ADGRL4: variants seen among roughly 807,000 people sequenced by gnomAD.
The protein encoded by ADGRL4 is adhesion G protein-coupled receptor L4, also known as EGF, latrophilin and seven transmembrane domain containing 1.
A neutral mutation model predicts 74.8 loss-of-function variants in ADGRL4; 90 were observed. The ratio of observed to expected loss-of-function variants is 1.20; its 90% confidence interval spans 1.02 to 1.43. The LOEUF (loss-of-function observed/expected upper bound fraction) is 1.43, where lower values mean the gene tolerates loss of function less well. Ranked by LOEUF, ADGRL4 falls within the 40% of genes most tolerant of loss-of-function variation. The pLI, the probability that ADGRL4 is intolerant of heterozygous loss-of-function variation, is 0.00. For synonymous variants in ADGRL4, 311 were observed against 279.2 expected, an observed-to-expected ratio of 1.11 and a Z score of -1.14; for missense variants, 881 against 814.3, an observed-to-expected ratio of 1.08 and a Z score of -1.00.
At position 78,917,996 on chromosome 1, in the gene ADGRL4, C is replaced by A; in HGVS notation, c.1516G>T (p.Ala506Ser). The A allele has an allele frequency of 6.2e-7, 1 of 1,609,760 alleles. No homozygotes were observed. Among genetic ancestry groups the A allele is most frequent in the East Asian group, 2.2e-5 (1 of 44,744 alleles). Residue 506 changes from alanine to serine, a missense_variant, in exon 11 of 15, where the codon GCA becomes TCA. Physicochemically the swap from Ala to Ser is moderately conservative, Grantham distance 99. Coordinates refer to ENST00000370742, the MANE Select transcript of ADGRL4 (RefSeq NM_022159.4). ...TGTATGCCTTCAATGCACATCCATG[C>A]AAAAGCAGCTAAAAAGAAGTAGTGT... ...LLHYFFLAAF[A>S]WMCIEGIHLY...
chr1:78,893,591 T>C (rs1205831733), intron 12 of ADGRL4, among the ~76,000 whole-genome samples: 2 of 151,928 alleles, frequency 1.3e-5, no homozygotes, highest in East Asian at 3.9e-4. Flanking sequence ...AAAAGAAAAA[T>C]TGAAAGATTG....
chr1:78,961,202 C>T (rs937664066), intron 2 of ADGRL4, among the ~76,000 whole-genome samples: 11 of 151,998 alleles, frequency 7.2e-5, no homozygotes, highest in Non-Finnish European at 1.0e-4. Context: ...CTGCCTCAGC[C>T]TCCCCAGTAG....
At chr1:78,916,690 C>G (rs540096042) in intron 12 of ADGRL4, among the ~76,000 whole-genome samples, 1 of 151,600 alleles carries the variant, frequency 6.6e-6, no homozygotes, top group Non-Finnish European at 1.5e-5. Context: ...TTAGCAGTAC[C>G]CTCACAACCA....
chr1:79,004,402 G>T (rs1392869119), intron 2 of ADGRL4, among the ~76,000 whole-genome samples: 5 of 152,044 alleles, frequency 3.3e-5, no homozygotes, highest in African/African-American at 1.2e-4. Flanking sequence ...GACAACTACA[G>T]ACACGAAATT....
chr1:78,995,799 C>T (rs1557524663), intron 2 of ADGRL4, among the ~76,000 whole-genome samples: 1 of 152,166 alleles, frequency 6.6e-6, no homozygotes, highest in Non-Finnish European at 1.5e-5. Flanking sequence ...GGCTTGGATG[C>T]TCTTTGTGAC....
intron 2 of ADGRL4, among the ~76,000 whole-genome samples, chr1:78,974,948 T>A (rs1000654036): frequency 6.6e-6 from 1 of 152,148 alleles, no homozygotes; most frequent in Non-Finnish European, 1.5e-5. Context: ...TATTTGTAGT[T>A]TTTGAGAATT....
chr1:78,919,845 A>G (rs1407329895), intron 10 of ADGRL4, among the ~76,000 whole-genome samples: 1 of 151,960 alleles, frequency 6.6e-6, no homozygotes, highest in Non-Finnish European at 1.5e-5. Flanking sequence ...CTATTCTAAG[A>G]TAAAGTTTAT....
chr1:78,941,581 A>C (rs1401835910), intron 3 of ADGRL4, among the ~76,000 whole-genome samples: 1 of 151,976 alleles, frequency 6.6e-6, no homozygotes, highest in Non-Finnish European at 1.5e-5. Flanking sequence ...TTAAATGTGC[A>C]ACAGTCTTAG....
chr1:78,913,954 T>G (rs138019394), intron 12 of ADGRL4, among the ~76,000 whole-genome samples: 2 of 152,000 alleles, frequency 1.3e-5, no homozygotes, highest in African/African-American at 4.8e-5. Flanking sequence ...AATGACAATC[T>G]GGACTAAGAA....
At chr1:78,987,923 T>C (rs1271073489) in intron 2 of ADGRL4, among the ~76,000 whole-genome samples, 1 of 151,798 alleles carries the variant, frequency 6.6e-6, no homozygotes, top group Non-Finnish European at 1.5e-5. Flanking sequence ...ATACTAATCA[T>C]ACCATAATTT....
At chr1:78,963,449 C>T (rs1449055931) in intron 2 of ADGRL4, among the ~76,000 whole-genome samples, 2 of 152,150 alleles carry the variant, frequency 1.3e-5, no homozygotes, top group Non-Finnish European at 2.9e-5. Flanking sequence ...GCCCAGTATG[C>T]TGTCAACATT....
rs1401758975 is a variant in ADGRL4, at chr1:78,959,570, G to A, written c.173-13144C>T. Among the ~76,000 whole-genome samples the A allele has an allele frequency of 3.9e-5, 6 of 152,222 alleles. No homozygotes were observed. In the East Asian group the frequency reaches 1.2e-3, roughly 29 times the overall value. On this transcript the variant is annotated intron_variant, in intron 2 of 14. Transcript: ENST00000370742. The stretch of plus-strand genomic sequence containing the variant: ...ACCTGTGTGTGTGTTTACCTCCTAG[G>A]CAAAATGTCAGAACATTGCATGGAC...
At chr1:78,907,841 T>C (rs1360818310) in intron 12 of ADGRL4, among the ~76,000 whole-genome samples, 1 of 151,852 alleles carries the variant, frequency 6.6e-6, no homozygotes, top group Non-Finnish European at 1.5e-5. Flanking sequence ...GCAGACAGGG[T>C]CTAGAACATG....
intron 8 of ADGRL4, among the ~76,000 whole-genome samples, chr1:78,926,066 T>C (rs1291308837): frequency 1.1e-4 from 16 of 152,078 alleles, no homozygotes; most frequent in Non-Finnish European, 7.4e-5. Flanking sequence ...ACCTTCAATG[T>C]TTTTACTTAA....
rs1476669628 is a variant in ADGRL4 at position 78,937,806 on chromosome 1, C to G, written c.760+1G>C. The G allele has an allele frequency of 1.2e-6, 2 of 1,604,052 alleles. No individual in the cohort carries two copies. Among genetic ancestry groups the G allele is most frequent in the Non-Finnish European group, 1.7e-6 (2 of 1,177,316 alleles). On this transcript the variant is annotated splice_donor_variant, in intron 6 of 14. Transcript: ENST00000370742. LOFTEE classifies it high-confidence loss of function. ...CTTTTAAATGGACCCTTGTTTCTTACCTATATCCGTTGAATTTGTATCAAA... is the reference window on the plus strand; with the variant it reads ...CTTTTAAATGGACCCTTGTTTCTTAGCTATATCCGTTGAATTTGTATCAAA...
Position 78,890,983 on chromosome 1 carries a change from T to G in ADGRL4, c.*171A>C. 1 of 667,386 alleles carries G rather than the reference T, an allele frequency of 1.5e-6. No individual in the cohort carries two copies. The highest frequency in any genetic ancestry group is 2.7e-6 in the Non-Finnish European group (1 of 374,854). 41.3% of individuals were successfully genotyped at this position (667,386 alleles called of 1,614,324 possible). A position where few individuals can be genotyped will look rare whatever the true frequency, so the allele number is the denominator to read the frequency against. On this transcript the variant is annotated 3_prime_UTR_variant, in exon 15 of 15. Coordinates refer to ENST00000370742, the MANE Select transcript of ADGRL4 (RefSeq NM_022159.4). ...ATAGTATATCTATATGATACATAAT[T>G]TTACCTTATTATCTACAGTTCCTAT...
chr1:78,978,276 G>A (rs1399902061), intron 2 of ADGRL4, among the ~76,000 whole-genome samples: 1 of 151,778 alleles, frequency 6.6e-6, no homozygotes, highest in Non-Finnish European at 1.5e-5. Flanking sequence ...AGACTCTCGG[G>A]AAATTTTCTT....
chr1:78,919,453 G>A (rs533812510), intron 10 of ADGRL4, among the ~76,000 whole-genome samples: 3 of 151,960 alleles, frequency 2.0e-5, no homozygotes, highest in Admixed American at 6.6e-5. Context: ...GACAGGTAAC[G>A]TTGGCTCAAG....
At chr1:78,924,008 C>T (rs1451004505) in intron 8 of ADGRL4, among the ~76,000 whole-genome samples, 1 of 151,784 alleles carries the variant, frequency 6.6e-6, no homozygotes, top group African/African-American at 2.4e-5. Flanking sequence ...AAGGAAGATT[C>T]ACACCAAAGT....
Sources: gnomAD v4.1 joint callset for allele counts (sites outside exome capture counted in the v4.1 genomes callset) on GRCh38, gnomAD v4.1.1 for gene constraint, MANE v1.5 for transcripts, NCBI Gene and HGNC (gene_info 2026-07-23, HGNC 2026-07-21) for gene names.